DLC1: variants seen among roughly 807,000 people sequenced by gnomAD.
The protein encoded by DLC1 is DLC1 Rho GTPase activating protein.
DLC1 carries 54 observed loss-of-function variants against 140.3 expected under a neutral mutation model. The ratio of observed to expected loss-of-function variants is 0.38; its 90% CI spans 0.31 to 0.48. DLC1 has a LOEUF of 0.48. Ranked by LOEUF, DLC1 falls within the 20% of genes least tolerant of loss-of-function variation. The pLI, the probability that DLC1 is intolerant of heterozygous loss-of-function variation, is 0.96. For missense variants in DLC1, 2,536 were observed against 1,907.0 expected, an observed-to-expected ratio of 1.33 and a Z score of -6.14; for synonymous variants, 986 against 728.1, an observed-to-expected ratio of 1.35 and a Z score of -5.70.
intron 2 of DLC1, among the ~76,000 whole-genome samples, chr8:13,451,037 CAAAAAAAAAA>C (rs1169620786): frequency 1.6e-3 from 30 of 18,378 alleles, no homozygotes; most frequent in Non-Finnish European, 1.5e-3. Flanking sequence ...GACTCCGTCT[CAAAAAAAAAA>C]AAAAAAAAAA....
intron 1 of DLC1, among the ~76,000 whole-genome samples, chr8:13,507,812 A>G (rs982057185): frequency 2.0e-5 from 3 of 152,214 alleles, no homozygotes; most frequent in African/African-American, 7.2e-5. Context: ...GTCATCTATA[A>G]TGAGCCAAGT....
At position 13,091,359 on chromosome 8, in the gene DLC1, C is replaced by T; in HGVS notation, c.3814G>A (p.Gly1272Arg). The T allele has an allele frequency of 6.2e-7, 1 of 1,614,154 alleles. No individual in the cohort carries two copies. Among genetic ancestry groups the T allele is most frequent in the Non-Finnish European group, 8.5e-7 (1 of 1,180,024 alleles). ...CACTCGGCGATCATATGGGCCAGCCCTTGAGTGGCAGCTAGGTTTTCATTC... is the reference window on the plus strand; with the variant it reads ...CACTCGGCGATCATATGGGCCAGCCTTTGAGTGGCAGCTAGGTTTTCATTC... Reference protein sequence around the residue: ...DLNENLAATQGLAHMIAECKK... With the variant: ...DLNENLAATQRLAHMIAECKK... The change falls in exon 14 of 18, where the codon GGG becomes AGG. Residue 1272 changes from glycine to arginine, a missense_variant. Coordinates refer to ENST00000276297, the MANE Select transcript of DLC1 (RefSeq NM_182643.3).
intron 5 of DLC1, among the ~76,000 whole-genome samples, chr8:13,196,605 T>G (rs1312651344): frequency 2.0e-5 from 3 of 152,218 alleles, no homozygotes; most frequent in Non-Finnish European, 4.4e-5. Flanking sequence ...GATACTCCTT[T>G]TACAGTTTCT....
At chr8:13,372,515 T>C (rs1232606603) in intron 4 of DLC1, among the ~76,000 whole-genome samples, 1 of 152,196 alleles carries the variant, frequency 6.6e-6, no homozygotes, top group Admixed American at 6.5e-5. Flanking sequence ...GCCAACACAG[T>C]GCAGAAATCC....
chr8:13,278,776 C>A (rs1831262433), intron 5 of DLC1, among the ~76,000 whole-genome samples: 1 of 152,012 alleles, frequency 6.6e-6, no homozygotes, highest in African/African-American at 2.4e-5. Context: ...GGAAGGGGAG[C>A]AGTAAAGGGA....
chr8:13,601,539 T>C (rs1241208241), intron 1 of DLC1, among the ~76,000 whole-genome samples: 1 of 151,694 alleles, frequency 6.6e-6, no homozygotes, highest in Non-Finnish European at 1.5e-5. Flanking sequence ...TACTATTCAT[T>C]GGAAAGCACT....
intron 4 of DLC1, among the ~76,000 whole-genome samples, chr8:13,372,115 T>C (rs1416754606): frequency 6.6e-6 from 1 of 152,020 alleles, no homozygotes; most frequent in East Asian, 1.9e-4. Flanking sequence ...CGTTACCATT[T>C]ACATTTCACT....
Position 13,090,142 on chromosome 8 carries a change from T to C in DLC1, c.4074+110A>G, listed in dbSNP as rs79684451. ...CCGGTGCCCAGCTCTACAAGGGAGG[T>C]TGTGGGCTACAGATCCCCAGACAGA... On this transcript the variant is annotated intron_variant, in intron 15 of 17. Coordinates refer to ENST00000276297, the MANE Select transcript of DLC1 (RefSeq NM_182643.3). 780 of 1,021,342 alleles carry C rather than the reference T, an allele frequency of 7.6e-4. 3 individuals carry two copies. The African/African-American group carries it at 0.012, about 15-fold the overall frequency. The allele number at this position is 1,021,342 out of a possible 1,614,324, so 63.3% of individuals were successfully genotyped here.
intron 5 of DLC1, among the ~76,000 whole-genome samples, chr8:13,293,427 A>C (rs1047554162): frequency 2.0e-5 from 3 of 152,216 alleles, no homozygotes; most frequent in Non-Finnish European, 2.9e-5. Flanking sequence ...CTCTGGTGGA[A>C]GAAGGAGAAA....
intron 5 of DLC1, among the ~76,000 whole-genome samples, chr8:13,199,165 CCTT>C (rs1827233972): frequency 2.0e-5 from 3 of 146,504 alleles, no homozygotes; most frequent in African/African-American, 5.0e-5. Flanking sequence ...GTAAATGTCT[CCTT>C]CTCTTTTTCT....
intron 4 of DLC1, among the ~76,000 whole-genome samples, chr8:13,389,027 T>C (rs1281729637): frequency 2.0e-5 from 3 of 152,070 alleles, no homozygotes; most frequent in Non-Finnish European, 4.4e-5. Context: ...TCAGGAGCAT[T>C]GAGGATCTGG....
At chr8:13,459,256 C>G (rs1411362406) in intron 2 of DLC1, among the ~76,000 whole-genome samples, 1 of 152,066 alleles carries the variant, frequency 6.6e-6, no homozygotes, top group African/African-American at 2.4e-5. Flanking sequence ...CCTTTCCCTC[C>G]CCCTCTTTCA....
chr8:13,276,555 C>T (rs1208577036), intron 5 of DLC1: 9 of 1,276,298 alleles, frequency 7.1e-6, no homozygotes, highest in Non-Finnish European at 8.9e-6. Flanking sequence ...CTGCAGGCGG[C>T]CTCCTGGCCC....
intron 5 of DLC1, among the ~76,000 whole-genome samples, chr8:13,143,848 G>GAGAGAGAGAGAGAGAGAGAGAC (rs1490009372): frequency 1.4e-5 from 2 of 147,716 alleles, no homozygotes; most frequent in African/African-American, 5.1e-5. Context: ...GAGAGAGAGA[G>GAGAGAGAGAGAGAGAGAGAGAC]AGAGACATAG....
At chr8:13,343,333 T>G (rs903541566) in intron 4 of DLC1, among the ~76,000 whole-genome samples, 1 of 152,186 alleles carries the variant, frequency 6.6e-6, no homozygotes, top group African/African-American at 2.4e-5. Context: ...AGGAACAGCA[T>G]GTACAGGGGC....
At chr8:13,505,557 C>T (rs930740195) in intron 1 of DLC1, among the ~76,000 whole-genome samples, 7 of 152,164 alleles carry the variant, frequency 4.6e-5, no homozygotes, top group African/African-American at 7.2e-5. Flanking sequence ...TGCATAAACA[C>T]GACTGCAGTT....
intron 5 of DLC1, among the ~76,000 whole-genome samples, chr8:13,270,056 C>CAA (rs538965954): frequency 2.8e-5 from 2 of 71,780 alleles, no homozygotes; most frequent in African/African-American, 1.1e-4. Context: ...GACTCCGTCT[C>CAA]AAAAAAAAAA....
At chr8:13,471,493 G>GAGTC (rs1800204603) in intron 2 of DLC1, among the ~76,000 whole-genome samples, 2 of 131,040 alleles carry the variant, frequency 1.5e-5, no homozygotes, top group African/African-American at 6.6e-5. Context: ...GGAAGGAAGG[G>GAGTC]AGGCAGGGAA....
intron 4 of DLC1, among the ~76,000 whole-genome samples, chr8:13,318,119 C>G (rs1052446126): frequency 6.6e-6 from 1 of 152,122 alleles, no homozygotes; most frequent in African/African-American, 2.4e-5. Flanking sequence ...CCTCAACCTC[C>G]TGAGCCCAAG....
Sources: gnomAD v4.1 joint callset for allele counts (sites outside exome capture counted in the v4.1 genomes callset) on GRCh38, gnomAD v4.1.1 for gene constraint, MANE v1.5 for transcripts, NCBI Gene and HGNC (gene_info 2026-07-23, HGNC 2026-07-21) for gene names.